The following PLEKHH2 variants were observed in gnomAD, a reference collection of about 807,000 sequenced individuals.
The protein encoded by PLEKHH2 is pleckstrin homology domain-containing family H member 2.
Under a neutral mutation model 187.9 loss-of-function variants are expected in PLEKHH2, and 129 were observed. That is an observed-to-expected ratio of 0.69 (90% CI 0.59 to 0.79). PLEKHH2 has a LOEUF of 0.79. PLEKHH2 is among the 30% of genes least tolerant of loss of function. PLEKHH2 has a pLI of 0.00. For synonymous variants in PLEKHH2, 686 were observed against 605.6 expected (o/e 1.13, Z -1.95); for missense variants, 2,076 against 1,751.2 (o/e 1.19, Z -3.31).
chr2:43,735,754 C>G (rs924225913), intron 19 of PLEKHH2, among the ~76,000 whole-genome samples: 2 of 151,976 alleles, frequency 1.3e-5, no homozygotes, highest in Admixed American at 1.3e-4. Flanking sequence ...TAAATTATGA[C>G]TGAAAGGGAT....
chr2:43,711,177 C>T (rs984526845), intron 14 of PLEKHH2: 1 of 985,356 alleles, frequency 1.0e-6, no homozygotes, highest in African/African-American at 1.7e-5. Context: ...TAAAGTCAGA[C>T]ACTTTATTTC....
Position 43,753,704 on chromosome 2 carries a change from G to A in PLEKHH2, c.3739G>A (p.Gly1247Arg). The A allele has an allele frequency of 6.3e-7, 1 of 1,584,632 alleles. No individual in the cohort carries two copies. Among genetic ancestry groups the A allele is most frequent in the Non-Finnish European group, 8.6e-7 (1 of 1,169,100 alleles). ...TCAGACAAATGATCAAATCATAAAT[G>A]GACTTTTTCCTCTGAACAAAGATCT... is the stretch of plus-strand genomic sequence containing the variant. ...MYQTNDQIIN[G>R]LFPLNKDLAL... Residue 1247 changes from glycine (G) to arginine (R), a missense_variant, in exon 25 of 30, where the codon GGA becomes AGA. By Grantham distance (125) the Gly-to-Arg change is moderately radical. Coordinates refer to ENST00000282406, the MANE Select transcript of PLEKHH2 (RefSeq NM_172069.4).
At chr2:43,756,635 A>G (rs1465748058) in intron 25 of PLEKHH2, among the ~76,000 whole-genome samples, 5 of 152,240 alleles carry the variant, frequency 3.3e-5, no homozygotes, top group Non-Finnish European at 4.4e-5. Context: ...TGTTTAAATT[A>G]CAGATTTTTT....
At chr2:43,698,736 TATGTTTTC>T (rs1669216932) in intron 7 of PLEKHH2, among the ~76,000 whole-genome samples, 3 of 152,340 alleles carry the variant, frequency 2.0e-5, no homozygotes, top group African/African-American at 7.2e-5. Context: ...AGGTCCTGTC[TATGTTTTC>T]ATGTTTTCAA....
intron 2 of PLEKHH2, among the ~76,000 whole-genome samples, chr2:43,666,505 T>G (rs1667223730): frequency 6.6e-6 from 1 of 152,174 alleles, no homozygotes; most frequent in Non-Finnish European, 1.5e-5. Context: ...TCCCCCAACA[T>G]ATGTTTAACT....
In PLEKHH2 at chr2:43,676,380, G is replaced by C. The variant is rs1667791332; in HGVS notation, c.124-2483G>C. ...AAGGCAGCCTGGGACCGGGTCCTGG[G>C]GTCCCGCGCCTTCCGGAGCTGGCGG... On this transcript the variant is annotated intron_variant, in intron 2 of 29. Coordinates refer to ENST00000282406, the MANE Select transcript of PLEKHH2 (RefSeq NM_172069.4). 4.2e-6 allele frequency: 6 copies of C among 1,415,778 alleles called. No individual in the cohort carries two copies. The Admixed American group carries it at 9.6e-5, about 23-fold the overall frequency. 87.7% of individuals were successfully genotyped at this position (1,415,778 alleles called of 1,614,324 possible). A position where few individuals can be genotyped will look rare whatever the true frequency, so the allele number is the denominator to read the frequency against.
intron 2 of PLEKHH2, chr2:43,675,633 A>G (rs1251663594): frequency 2.5e-6 from 4 of 1,613,718 alleles, no homozygotes; most frequent in African/African-American, 1.3e-5. Context: ...CATTTTCTGC[A>G]TGAACTCCTG....
At chr2:43,647,500 T>G (rs141223228) in intron 2 of PLEKHH2, among the ~76,000 whole-genome samples, 39 of 152,124 alleles carry the variant, frequency 2.6e-4, no homozygotes, top group South Asian at 6.2e-4. Context: ...ATCCATTCTG[T>G]CCTCTATTCA....
intron 3 of PLEKHH2, among the ~76,000 whole-genome samples, chr2:43,686,005 C>T (rs1668485154): frequency 6.6e-6 from 1 of 152,094 alleles, no homozygotes; most frequent in South Asian, 2.1e-4. Context: ...GGGCTTGATC[C>T]CTTGCCTGTG....
At chr2:43,685,327 CAATT>C (rs1214896007) in intron 3 of PLEKHH2, among the ~76,000 whole-genome samples, 1 of 152,234 alleles carries the variant, frequency 6.6e-6, no homozygotes, top group African/African-American at 2.4e-5. Flanking sequence ...ACTTCTGTAA[CAATT>C]AACTAAATTG....
At chr2:43,718,694 G>C (rs1670331205) in intron 15 of PLEKHH2, among the ~76,000 whole-genome samples, 1 of 152,118 alleles carries the variant, frequency 6.6e-6, no homozygotes, top group African/African-American at 2.4e-5. Context: ...GAAGTACACT[G>C]TCTATAGCCA....
At chr2:43,694,049 A>C (rs994842511) in intron 4 of PLEKHH2, among the ~76,000 whole-genome samples, 1 of 152,116 alleles carries the variant, frequency 6.6e-6, no homozygotes, top group Non-Finnish European at 1.5e-5. Context: ...TTTGAAAGCT[A>C]GTATTTGAGG....
At chr2:43,752,330 G>A (rs1010563347) in intron 24 of PLEKHH2, among the ~76,000 whole-genome samples, 34 of 152,164 alleles carry the variant, frequency 2.2e-4, no homozygotes, top group Admixed American at 2.0e-3. Flanking sequence ...TCTTTGTGTA[G>A]TCATCATAGA....
At chr2:43,714,935 A>G (rs1039667240) in intron 15 of PLEKHH2, among the ~76,000 whole-genome samples, 4 of 152,166 alleles carry the variant, frequency 2.6e-5, no homozygotes, top group African/African-American at 9.7e-5. Context: ...AGTTATACCA[A>G]GTGGGAATGG....
intron 2 of PLEKHH2, chr2:43,658,973 C>CTTTT (rs34486426): frequency 1.3e-4 from 16 of 122,800 alleles, no homozygotes; most frequent in South Asian, 5.2e-4. Flanking sequence ...TTTTTTCTTT[C>CTTTT]TTTTTTTTTT....
In PLEKHH2 at chr2:43,764,111, G is replaced by A. The variant is rs142536762; in HGVS notation, c.4159-117G>A. The stretch of plus-strand genomic sequence containing the variant: ...ACATTTTATTTTAGAAAATAATTTT[G>A]TATTATACCATAATTGATTAATATC... On this transcript the variant is annotated intron_variant, in intron 28 of 29. Coordinates refer to ENST00000282406, the MANE Select transcript of PLEKHH2 (RefSeq NM_172069.4). The A allele has an allele frequency of 1.1e-3, 606 of 572,142 alleles. 2 individuals are homozygous for A. Among genetic ancestry groups the A allele is most frequent in the African/African-American group, 9.8e-3 (498 of 50,910 alleles). 35.4% of individuals were successfully genotyped at this position (572,142 alleles called of 1,614,324 possible).
At chr2:43,678,336 C>T (rs1425030182) in intron 2 of PLEKHH2, among the ~76,000 whole-genome samples, 2 of 152,188 alleles carry the variant, frequency 1.3e-5, no homozygotes, top group Non-Finnish European at 2.9e-5. Flanking sequence ...GCAATCTCGG[C>T]ACTTTGGGCG....
At chr2:43,655,479 C>A (rs1666708212) in intron 2 of PLEKHH2, among the ~76,000 whole-genome samples, 1 of 152,074 alleles carries the variant, frequency 6.6e-6, no homozygotes, top group African/African-American at 2.4e-5. Context: ...AAACCAGCAC[C>A]TTCAATTTGA....
intron 19 of PLEKHH2, among the ~76,000 whole-genome samples, chr2:43,735,239 C>A (rs1362562370): frequency 6.6e-6 from 1 of 151,974 alleles, no homozygotes; most frequent in Non-Finnish European, 1.5e-5. Context: ...TATTATTCAG[C>A]CATTACGAAA....
Sources: gnomAD v4.1 joint callset for allele counts (sites outside exome capture counted in the v4.1 genomes callset) on GRCh38, gnomAD v4.1.1 for gene constraint, MANE v1.5 for transcripts, NCBI Gene and HGNC (gene_info 2026-07-23, HGNC 2026-07-21) for gene names.